COX7B2: variants seen among roughly 807,000 people sequenced by gnomAD.
COX7B2 encodes the protein cytochrome c oxidase subunit 7B2.
For missense variants in COX7B2, 109 were observed against 95.9 expected, an observed-to-expected ratio of 1.14 and a Z score of -0.57; for synonymous variants, 37 against 32.1, an observed-to-expected ratio of 1.15 and a Z score of -0.51.
chr4:46,830,414 A>G (rs1714997225), intron 2 of COX7B2, among the ~76,000 whole-genome samples: 1 of 152,070 alleles, frequency 6.6e-6, no homozygotes, highest in Admixed American at 6.5e-5. Flanking sequence ...AATGGAAAGT[A>G]TTATACTCCA....
Position 46,793,075 on chromosome 4 carries a change from C to T in COX7B2, c.-50+51885G>A, listed in dbSNP as rs575035671. 9.2e-5 allele frequency among the ~76,000 whole-genome samples: 14 copies of T among 152,292 alleles called. No individual in the cohort carries two copies. In the East Asian group the frequency reaches 1.7e-3, roughly 19 times the overall value. Reference sequence around the variant, plus strand: ...TTTTCTTTAGTTAAAACCTAAGAGGCGCTCCTGGCCGACTGTGGTCAGGAG... The same window carrying T: ...TTTTCTTTAGTTAAAACCTAAGAGGTGCTCCTGGCCGACTGTGGTCAGGAG... On this transcript the variant is annotated intron_variant, in intron 2 of 2. Transcript: ENST00000355591.
At chr4:46,763,737 A>G (rs1716360471) in intron 2 of COX7B2, among the ~76,000 whole-genome samples, 1 of 152,234 alleles carries the variant, frequency 6.6e-6, no homozygotes, top group Admixed American at 6.5e-5. Context: ...AATGGACTAA[A>G]GACTAAACAA....
At chr4:46,762,876 C>G (rs1219927654) in intron 2 of COX7B2, among the ~76,000 whole-genome samples, 1 of 145,348 alleles carries the variant, frequency 6.9e-6, no homozygotes, top group African/African-American at 2.5e-5. Flanking sequence ...TTTTTGGGAT[C>G]CTGTATGCAC....
intron 2 of COX7B2, among the ~76,000 whole-genome samples, chr4:46,811,088 C>T (rs961228973): frequency 6.6e-6 from 1 of 152,068 alleles, no homozygotes; most frequent in African/African-American, 2.4e-5. Flanking sequence ...CTCTCTTTAT[C>T]TTTGACTTTC....
chr4:46,867,270 C>A (rs149087618), intron 1 of COX7B2, among the ~76,000 whole-genome samples: 63 of 152,286 alleles, frequency 4.1e-4, no homozygotes, highest in African/African-American at 1.3e-3. Flanking sequence ...GATGGACCTC[C>A]ACTCTTCTAC....
At position 46,746,748 on chromosome 4, in the gene COX7B2, A is replaced by G. The variant is rs1319360789; in HGVS notation, c.-49-11507T>C. Among the ~76,000 whole-genome samples, 4 of 152,192 alleles carry G rather than the reference A, an allele frequency of 2.6e-5. No homozygotes were observed. In the East Asian group the frequency reaches 7.7e-4, roughly 29 times the overall value. On this transcript the variant is annotated intron_variant, in intron 2 of 2. Coordinates refer to ENST00000355591, the MANE Select transcript of COX7B2 (RefSeq NM_130902.3). ...TAAGCAACTTGTTTCCACAAATAAA[A>G]GTTGCCCTTTCCAAGGTTTTTAGTG...
chr4:46,831,728 C>G (rs1715121321), intron 2 of COX7B2, among the ~76,000 whole-genome samples: 1 of 152,102 alleles, frequency 6.6e-6, no homozygotes, highest in Non-Finnish European at 1.5e-5. Flanking sequence ...ATACACCAAT[C>G]AGCACTCTGC....
intron 2 of COX7B2, among the ~76,000 whole-genome samples, chr4:46,737,230 A>C (rs1714423215): frequency 6.6e-6 from 1 of 152,122 alleles, no homozygotes; most frequent in Non-Finnish European, 1.5e-5. Flanking sequence ...TGCCATCTTC[A>C]TCTCCCCTTT....
chr4:46,831,240 G>A (rs545008869), intron 2 of COX7B2, among the ~76,000 whole-genome samples: 9 of 152,240 alleles, frequency 5.9e-5, no homozygotes, highest in African/African-American at 9.6e-5. Context: ...CCAACGCAGC[G>A]CTTGATTTCT....
intron 2 of COX7B2, among the ~76,000 whole-genome samples, chr4:46,802,938 A>G (rs2078172891): frequency 6.6e-6 from 1 of 152,194 alleles, no homozygotes; most frequent in Non-Finnish European, 1.5e-5. Flanking sequence ...TCCTGAGCTA[A>G]TAGGTACCTG....
chr4:46,751,971 T>G (rs944654285), intron 2 of COX7B2, among the ~76,000 whole-genome samples: 1 of 152,146 alleles, frequency 6.6e-6, no homozygotes, highest in East Asian at 1.9e-4. Context: ...ATTCGTAGCT[T>G]GATGGGGATG....
intron 2 of COX7B2, among the ~76,000 whole-genome samples, chr4:46,816,218 T>A (rs1719543544): frequency 6.6e-6 from 1 of 152,256 alleles, no homozygotes; most frequent in Admixed American, 6.5e-5. Flanking sequence ...CTTGATATGG[T>A]CAAATCTTAA....
intron 1 of COX7B2, among the ~76,000 whole-genome samples, chr4:46,882,607 T>C (rs1718816589): frequency 6.6e-6 from 1 of 152,204 alleles, no homozygotes; most frequent in Admixed American, 6.5e-5. Flanking sequence ...AAAGTTAGGA[T>C]TGCAACCCCT....
chr4:46,852,304 G>T (rs1194281742), intron 1 of COX7B2, among the ~76,000 whole-genome samples: 1 of 151,984 alleles, frequency 6.6e-6, no homozygotes, highest in East Asian at 1.9e-4. Flanking sequence ...CTATGCTCTT[G>T]TGACAAACCA....
chr4:46,871,755 A>G (rs755398700), intron 1 of COX7B2, among the ~76,000 whole-genome samples: 2 of 152,168 alleles, frequency 1.3e-5, no homozygotes, highest in Non-Finnish European at 2.9e-5. Context: ...TTATCATTAG[A>G]AAAATGCCAA....
chr4:46,741,497 A>G (rs1370472926), intron 2 of COX7B2, among the ~76,000 whole-genome samples: 1 of 152,046 alleles, frequency 6.6e-6, no homozygotes, highest in Non-Finnish European at 1.5e-5. Context: ...ATATACAGAA[A>G]GGTGTATCCT....
intron 1 of COX7B2, among the ~76,000 whole-genome samples, 193 bp downstream of exon 1, chr4:46,908,967 C>T (rs918768897): frequency 6.6e-6 from 1 of 151,950 alleles, no homozygotes; most frequent in East Asian, 1.9e-4. Context: ...TGGCGTGAAC[C>T]CGGGAGGCGG....
At chr4:46,898,483 T>C (rs568777083) in intron 1 of COX7B2, among the ~76,000 whole-genome samples, 2 of 152,298 alleles carry the variant, frequency 1.3e-5, no homozygotes, top group East Asian at 3.9e-4. Context: ...AGTGGTGTGA[T>C]CATGGCTCAC....
intron 2 of COX7B2, among the ~76,000 whole-genome samples, chr4:46,747,773 C>T (rs1164637335): frequency 6.6e-6 from 1 of 152,142 alleles, no homozygotes; most frequent in African/African-American, 2.4e-5. Flanking sequence ...TATACTTAAG[C>T]ATCACATTGG....
Sources: gnomAD v4.1 joint callset for allele counts (sites outside exome capture counted in the v4.1 genomes callset) on GRCh38, gnomAD v4.1.1 for gene constraint, MANE v1.5 for transcripts, NCBI Gene and HGNC (gene_info 2026-07-23, HGNC 2026-07-21) for gene names.